The following NAT1 variants were observed in gnomAD, a reference collection of about 807,000 sequenced individuals.
NAT1 encodes arylamine N-acetyltransferase 1.
For missense variants in NAT1, 400 were observed against 339.2 expected, an observed-to-expected ratio of 1.18 and a Z score of -1.41; for synonymous variants, 144 against 122.6, an observed-to-expected ratio of 1.17 and a Z score of -1.16.
chr8:18,208,161 A>T (rs968702085), upstream of NAT1, among the ~76,000 whole-genome samples: 1 of 152,142 alleles, frequency 6.6e-6, no homozygotes, highest in Admixed American at 6.5e-5. Flanking sequence ...CAGGAAAAAT[A>T]GCTAATGCAT....
chr8:18,210,830 AG>A (rs1238047632), intron 1 of NAT1, among the ~76,000 whole-genome samples: 1 of 152,186 alleles, frequency 6.6e-6, no homozygotes, highest in Non-Finnish European at 1.5e-5. Context: ...GCTGGAGTGC[AG>A]TGGCGTGATC....
rs183357480 is a variant in NAT1 at position 18,215,077 on chromosome 8, C to G, written c.-85-4334C>G. ...TGTATAAGTACCACATTTTCTTTAT[C>G]CAGTCTGTCACTGATGGGCATTTAG... On this transcript the variant is annotated intron_variant, in intron 1 of 2. Coordinates refer to ENST00000307719, the MANE Select transcript of NAT1 (RefSeq NM_000662.8). Among the ~76,000 whole-genome samples, 405 of 152,206 alleles carry G rather than the reference C, an allele frequency of 2.7e-3. 2 individuals carry two copies. The highest frequency in any genetic ancestry group is 3.5e-3 in the Non-Finnish European group (241 of 68,012).
intron 2 of NAT1, among the ~76,000 whole-genome samples, chr8:18,176,175 AT>A (rs1407908075): frequency 6.6e-6 from 1 of 151,920 alleles, no homozygotes; most frequent in African/African-American, 2.4e-5. Context: ...ACTTCTGTTA[AT>A]TGTTTCTTTT....
rs777706725 is a variant in NAT1 at position 18,222,524 on chromosome 8, G to T, written c.477G>T (p.Trp159Cys). 5 of 1,614,100 alleles carry T rather than the reference G, an allele frequency of 3.1e-6. No homozygotes were observed. Among genetic ancestry groups the T allele is most frequent in the Non-Finnish European group, 4.2e-6 (5 of 1,180,004 alleles). Residue 159 changes from tryptophan (W) to cysteine (C), a missense_variant, in exon 3 of 3, where the codon TGG (tryptophan) becomes TGT (cysteine). Transcript: ENST00000307719. ...GTTTGACGGAAGAGAATGGATTCTG[G>T]TATCTAGACCAAATCAGAAGGGAAC... ...VFRLTEENGF[W>C]YLDQIRREQY...
chr8:18,218,936 G>A (rs781245241), intron 1 of NAT1, among the ~76,000 whole-genome samples: 1 of 152,130 alleles, frequency 6.6e-6, no homozygotes, highest in Non-Finnish European at 1.5e-5. Flanking sequence ...TGTTTCTTTT[G>A]AGTAGCATCA....
At position 18,222,629 on chromosome 8, in the gene NAT1, T is replaced by G. The variant is rs753621501; in HGVS notation, c.582T>G (p.Leu194=). 14 of 1,613,322 alleles carry G rather than the reference T, an allele frequency of 8.7e-6. No individual in the cohort carries two copies. The highest frequency in any genetic ancestry group is 1.2e-5 in the Non-Finnish European group (14 of 1,179,780). ...SKYRKIYSFT[L]KPRTIEDFES... ...ACCGAAAAATCTACTCCTTTACTCT[T>G]AAGCCTCGAACAATTGAAGATTTTG... is the stretch of plus-strand genomic sequence containing the variant. Residue 194 remains leucine (L), a synonymous_variant, in exon 3 of 3, where the codon CTT becomes CTG. Transcript: ENST00000307719.
At chr8:18,209,946 C>CT (rs1210873677), upstream of NAT1, 1 of 152,096 alleles carries the variant, frequency 6.6e-6, no homozygotes, top group Non-Finnish European at 1.5e-5. Context: ...ACTCTCCACC[C>CT]TTTTTTATGG....
chr8:18,170,894 C>CT (rs34731083), intron 2 of NAT1, among the ~76,000 whole-genome samples: 8 of 150,292 alleles, frequency 5.3e-5, no homozygotes, highest in Non-Finnish European at 7.4e-5. Context: ...TCTCTCTCTC[C>CT]TTTTTTTTTT....
rs751206939 is a variant in NAT1, at chr8:18,222,441, T to C, written c.394T>C (p.Trp132Arg). The C allele has an allele frequency of 1.9e-6, 3 of 1,614,104 alleles. No individual in the cohort carries two copies. Among genetic ancestry groups the C allele is most frequent in the Non-Finnish European group, 2.5e-6 (3 of 1,180,012 alleles). ...TGGGTTTGGACGCTCATACCAGATG[T>C]GGCAGCCTCTGGAGTTAATTTCTGG... ...DAGFGRSYQM[W>R]QPLELISGKD... The change falls in exon 3 of 3, where the codon TGG (tryptophan) becomes CGG (arginine). Residue 132 changes from tryptophan (W) to arginine (R), a missense_variant. Coordinates refer to ENST00000307719, the MANE Select transcript of NAT1 (RefSeq NM_000662.8).
At chr8:18,198,346 T>C (rs1027222652) in intron 2 of NAT1, among the ~76,000 whole-genome samples, 2 of 152,176 alleles carry the variant, frequency 1.3e-5, no homozygotes, top group Admixed American at 1.3e-4. Context: ...TCCCTCAGGG[T>C]AAGTCACTGA....
chr8:18,201,389 A>G (rs904528812), intron 2 of NAT1, among the ~76,000 whole-genome samples: 1 of 152,148 alleles, frequency 6.6e-6, no homozygotes, highest in Non-Finnish European at 1.5e-5. Context: ...TCGGAAGGGA[A>G]GAGAAGACCC....
chr8:18,175,018 T>C (rs962971729), intron 2 of NAT1, among the ~76,000 whole-genome samples: 2 of 151,784 alleles, frequency 1.3e-5, no homozygotes, highest in Non-Finnish European at 2.9e-5. Flanking sequence ...TTAAGTTCAA[T>C]ATTTCTGTAT....
At chr8:18,205,534 G>A (rs151227625), upstream of NAT1, among the ~76,000 whole-genome samples, 36 of 152,298 alleles carry the variant, frequency 2.4e-4, no homozygotes, top group East Asian at 6.6e-3. Context: ...TGCCTGCCAA[G>A]TCTCCATCTG....
chr8:18,177,206 G>C (rs890083864), intron 2 of NAT1, among the ~76,000 whole-genome samples: 1 of 151,794 alleles, frequency 6.6e-6, no homozygotes, highest in Admixed American at 6.6e-5. Context: ...AAGAATTAAC[G>C]CTCAGAATTA....
upstream of NAT1, among the ~76,000 whole-genome samples, chr8:18,208,672 G>A (rs1249408922): frequency 2.0e-5 from 3 of 152,228 alleles, no homozygotes; most frequent in Non-Finnish European, 4.4e-5. Flanking sequence ...TCCTTAGGAA[G>A]TAAAAGGAAT....
chr8:18,217,836 AGGG>A (rs774641965), intron 1 of NAT1, among the ~76,000 whole-genome samples: 226 of 152,274 alleles, frequency 1.5e-3, no homozygotes, highest in Non-Finnish European at 2.7e-3. Flanking sequence ...GGGCTGTTGC[AGGG>A]GCTGGTGCAG....
intron 1 of NAT1, chr8:18,216,831 A>G: frequency 8.3e-7 from 1 of 1,210,400 alleles, no homozygotes; most frequent in South Asian, 1.4e-5. Context: ...TGGCACAAAA[A>G]TGGTAAGGGG....
intron 2 of NAT1, among the ~76,000 whole-genome samples, chr8:18,192,805 A>C (rs1352235584): frequency 6.6e-6 from 1 of 150,882 alleles, no homozygotes; most frequent in African/African-American, 2.4e-5. Flanking sequence ...ACACATGGAC[A>C]CAGGAAGGGG....
chr8:18,199,049 C>T (rs1469470412), intron 2 of NAT1, among the ~76,000 whole-genome samples: 3 of 151,838 alleles, frequency 2.0e-5, no homozygotes, highest in Admixed American at 2.0e-4. Flanking sequence ...TGATGTGGCT[C>T]ACGACTGTAA....
Sources: gnomAD v4.1 joint callset for allele counts (sites outside exome capture counted in the v4.1 genomes callset) on GRCh38, gnomAD v4.1.1 for gene constraint, MANE v1.5 for transcripts, NCBI Gene and HGNC (gene_info 2026-07-23, HGNC 2026-07-21) for gene names.